Variants in DENND5A observed in about 807,000 individuals in gnomAD.
The protein encoded by DENND5A is DENN domain containing 5A.
A neutral mutation model predicts 140.3 loss-of-function variants in DENND5A; 64 were observed. That is an observed-to-expected ratio of 0.46 (90% confidence interval 0.37 to 0.56). The LOEUF (loss-of-function observed/expected upper bound fraction) is 0.56, where lower values mean the gene tolerates loss of function less well. DENND5A is among the 20% of genes least tolerant of loss of function. DENND5A has a pLI of 0.00. For synonymous variants in DENND5A, 605 were observed against 607.7 expected, an observed-to-expected ratio of 1.00 and a Z score of 0.07; for missense variants, 1,292 against 1,593.8, an observed-to-expected ratio of 0.81 and a Z score of 3.22.
chr11:9,217,170 T>C (rs759676373), intron 1 of DENND5A, among the ~76,000 whole-genome samples: 6 of 152,164 alleles, frequency 3.9e-5, no homozygotes, highest in Non-Finnish European at 7.4e-5. Flanking sequence ...CAGATGAATC[T>C]TGAAAACATG....
In DENND5A at chr11:9,195,225, C is replaced by T. The variant is rs145774539; in HGVS notation, c.950-1544G>A. ...CCTCCTGAGTAGCTGGGATTACAGGCATGCGCCACCACCCGAGCTAATTTT... is the reference window on the plus strand; with the variant it reads ...CCTCCTGAGTAGCTGGGATTACAGGTATGCGCCACCACCCGAGCTAATTTT... On this transcript the variant is annotated intron_variant, in intron 4 of 22. Coordinates refer to ENST00000328194, the MANE Select transcript of DENND5A (RefSeq NM_015213.4). Among the ~76,000 whole-genome samples, 711 of 151,920 alleles carry T rather than the reference C, an allele frequency of 4.7e-3. 3 individuals carry two copies. The highest frequency in any genetic ancestry group is 5.4e-3 in the Non-Finnish European group (368 of 67,972).
At chr11:9,238,636 G>C (rs1024606223) in intron 1 of DENND5A, among the ~76,000 whole-genome samples, 3 of 151,732 alleles carry the variant, frequency 2.0e-5, no homozygotes, top group African/African-American at 4.8e-5. Context: ...GGATGGTCTC[G>C]ATCTCCTGAC....
chr11:9,170,693 T>C lies in DENND5A; in HGVS notation c.1991A>G (p.Lys664Arg), dbSNP rs764692235. 50 of 1,613,904 alleles carry C rather than the reference T, an allele frequency of 3.1e-5. No homozygotes were observed. The highest frequency in any genetic ancestry group is 4.2e-5 in the Non-Finnish European group (49 of 1,180,030). The change falls in exon 9 of 23, where the codon AAA (lysine) becomes AGA (arginine). Residue 664 changes from lysine (K) to arginine (R), a missense_variant. Physicochemically the swap from Lys to Arg is conservative, Grantham distance 26 (BLOSUM62 2). Transcript: ENST00000328194. ...HLLDMKIGQG[K>R]YEPGFFPKLQ... ...CTTAGGGAAGAAGCCCGGCTCATAT[T>C]TCCCTTGTCCAATCTTCATGTCAAG...
At chr11:9,230,951 T>TA (rs1850744089) in intron 1 of DENND5A, among the ~76,000 whole-genome samples, 1 of 151,978 alleles carries the variant, frequency 6.6e-6, no homozygotes, top group Admixed American at 6.6e-5. Flanking sequence ...GCGTGCACTC[T>TA]AGCCTGGGTG....
In DENND5A at chr11:9,188,964, G is replaced by C. The variant is rs1257707072; in HGVS notation, c.1137+4530C>G. On this transcript the variant is annotated intron_variant, in intron 5 of 22. Transcript: ENST00000328194. ...CCAAATGTTAATCCCCAAGACAATG[G>C]GGGTAAATGTCTCCAGAGCATATCA... 3.3e-5 allele frequency among the ~76,000 whole-genome samples: 5 copies of C among 152,192 alleles called. No homozygotes were observed. The South Asian group carries it at 6.2e-4, about 19-fold the overall frequency.
At chr11:9,259,877 G>C (rs940768448) in intron 1 of DENND5A, among the ~76,000 whole-genome samples, 3 of 151,714 alleles carry the variant, frequency 2.0e-5, no homozygotes, top group Non-Finnish European at 4.4e-5. Context: ...AAAAATACAA[G>C]AATTAGCCAG....
chr11:9,196,329 C>A (rs192400525), intron 4 of DENND5A, among the ~76,000 whole-genome samples: 1 of 152,264 alleles, frequency 6.6e-6, no homozygotes, highest in African/African-American at 2.4e-5. Context: ...TCTAAACAAA[C>A]TACAGGGCAG....
chr11:9,234,866 A>G (rs1339774269), intron 1 of DENND5A, among the ~76,000 whole-genome samples: 1 of 152,184 alleles, frequency 6.6e-6, no homozygotes, highest in South Asian at 2.1e-4. Context: ...CTGTTAATAA[A>G]GGCGCGGGTA....
intron 1 of DENND5A, among the ~76,000 whole-genome samples, chr11:9,246,377 C>A (rs1393151001): frequency 6.6e-6 from 1 of 152,010 alleles, no homozygotes; most frequent in African/African-American, 2.4e-5. Context: ...CTTTGGGAGG[C>A]CCAGGCGGGA....
At chr11:9,191,273 G>T (rs1002082446) in intron 5 of DENND5A, among the ~76,000 whole-genome samples, 1 of 151,694 alleles carries the variant, frequency 6.6e-6, no homozygotes, top group Non-Finnish European at 1.5e-5. Context: ...GCAGTGGCGC[G>T]ATCCACCCAG....
intron 1 of DENND5A, among the ~76,000 whole-genome samples, chr11:9,209,737 A>T (rs890676294): frequency 6.6e-6 from 1 of 152,208 alleles, no homozygotes; most frequent in Non-Finnish European, 1.5e-5. Context: ...AGGTAAGAGA[A>T]GGGGATTCAC....
At chr11:9,244,250 A>G (rs2136278481) in intron 1 of DENND5A, among the ~76,000 whole-genome samples, 1 of 152,338 alleles carries the variant, frequency 6.6e-6, no homozygotes, top group East Asian at 1.9e-4. Flanking sequence ...CCTTTCCAAA[A>G]TTCAGGTGTT....
chr11:9,242,210 T>C (rs548665944), intron 1 of DENND5A, among the ~76,000 whole-genome samples: 3 of 152,252 alleles, frequency 2.0e-5, no homozygotes, highest in East Asian at 1.9e-4. Context: ...GTTTCACTCA[T>C]TGATGTGTCT....
intron 5 of DENND5A, 111 bp downstream of exon 5, chr11:9,193,383 C>T: frequency 4.7e-6 from 4 of 852,960 alleles, no homozygotes; most frequent in East Asian, 3.0e-5. Flanking sequence ...TCATAATCAC[C>T]AAAATAGAAG....
intron 5 of DENND5A, among the ~76,000 whole-genome samples, chr11:9,185,381 T>C (rs1469410958): frequency 6.6e-6 from 1 of 152,186 alleles, no homozygotes; most frequent in Non-Finnish European, 1.5e-5. Flanking sequence ...TTTGTTATGG[T>C]TTACTTTTTT....
intron 5 of DENND5A, among the ~76,000 whole-genome samples, chr11:9,184,801 T>TC (rs1297571970): frequency 6.6e-6 from 1 of 152,252 alleles, no homozygotes; most frequent in Non-Finnish European, 1.5e-5. Context: ...CACTTGCAGT[T>TC]CTTTATATTC....
At chr11:9,251,138 CAAAA>C (rs887593530) in intron 1 of DENND5A, among the ~76,000 whole-genome samples, 19 of 90,016 alleles carry the variant, frequency 2.1e-4, no homozygotes, top group African/African-American at 4.3e-4. Context: ...CCATCTCAAA[CAAAA>C]AAAAAAAAAA....
At position 9,263,649 on chromosome 11, in the gene DENND5A, T is replaced by G. The variant is rs1379354923; in HGVS notation, c.109+1312A>C. Among the ~76,000 whole-genome samples, 9 of 143,220 alleles carry G rather than the reference T, an allele frequency of 6.3e-5. No individual in the cohort carries two copies. In the East Asian group the frequency reaches 1.9e-3, roughly 31 times the overall value. The allele number at this position is 143,220 out of a possible 152,430, so 94.0% of individuals were successfully genotyped here. A position where few individuals can be genotyped will look rare whatever the true frequency, so the allele number is the denominator to read the frequency against. Reference sequence around the variant, plus strand: ...TGAGGTCAGGAGATCGAGACCATCCTGGCTAACAAGGTGAAACCCCGTCTC... The same window carrying G: ...TGAGGTCAGGAGATCGAGACCATCCGGGCTAACAAGGTGAAACCCCGTCTC... On this transcript the variant is annotated intron_variant, in intron 1 of 22. Transcript: ENST00000328194.
chr11:9,143,640 A>G (rs574794328), intron 19 of DENND5A, among the ~76,000 whole-genome samples, 155 bp from the exon 20 acceptor site: 29 of 152,344 alleles, frequency 1.9e-4, no homozygotes, highest in African/African-American at 7.0e-4. Flanking sequence ...AGCTTTGCTG[A>G]TTTAGCTCTT....
Sources: gnomAD v4.1 joint callset for allele counts (sites outside exome capture counted in the v4.1 genomes callset) on GRCh38, gnomAD v4.1.1 for gene constraint, MANE v1.5 for transcripts, NCBI Gene and HGNC (gene_info 2026-07-23, HGNC 2026-07-21) for gene names.